Variants in SLC9A7 observed in about 807,000 individuals in gnomAD.
SLC9A7 encodes the protein solute carrier family 9 member A7, also known as sodium/hydrogen exchanger 7.
A neutral mutation model predicts 52.6 loss-of-function variants in SLC9A7; 19 were observed. That is an observed-to-expected ratio of 0.36 (90% confidence interval 0.25 to 0.53). SLC9A7 has a LOEUF of 0.53. SLC9A7 is among the 20% of genes least tolerant of loss of function. The probability of loss-of-function intolerance (pLI) is 0.91; values close to 1 mark genes in which losing one functional copy is unlikely to be tolerated. For synonymous variants in SLC9A7, 226 were observed against 252.1 expected (o/e 0.90, Z 0.98); for missense variants, 455 against 597.9 (o/e 0.76, Z 2.49).
chrX:46,710,242 A>G (rs1450285985), intron 1 of SLC9A7, among the ~76,000 whole-genome samples: 1 of 112,206 alleles, frequency 8.9e-6, no homozygotes, highest in Admixed American at 9.4e-5. Context: ...CCCCTTAGGC[A>G]CTTCCACATT....
At chrX:46,690,259 C>G (rs1944363152) in intron 1 of SLC9A7, among the ~76,000 whole-genome samples, 1 of 112,317 alleles carries the variant, frequency 8.9e-6, no homozygotes, top group Non-Finnish European at 1.9e-5. Flanking sequence ...GCCAATATCT[C>G]TCATTTTAGC....
chrX:46,606,846 A>C lies in SLC9A7; in HGVS notation c.*106T>G. ...GCTTCAGACCCCAATAAAATAGAAGAGTTAGTTCAATCTAGTCACTGCCCC... is the reference window on the plus strand; with the variant it reads ...GCTTCAGACCCCAATAAAATAGAAGCGTTAGTTCAATCTAGTCACTGCCCC... On this transcript the variant is annotated 3_prime_UTR_variant, in exon 17 of 17. Transcript: ENST00000616978. 1 of 1,168,789 alleles carries C rather than the reference A, an allele frequency of 8.6e-7. No individual in the cohort carries two copies. Among genetic ancestry groups the C allele is most frequent in the African/African-American group, 1.8e-5 (1 of 56,617 alleles).
At chrX:46,717,173 T>C (rs751312170) in intron 1 of SLC9A7, among the ~76,000 whole-genome samples, 1 of 112,623 alleles carries the variant, frequency 8.9e-6, no homozygotes, top group East Asian at 2.8e-4. Context: ...CTCTGAGTTC[T>C]ATAAGATGGA....
intron 1 of SLC9A7, among the ~76,000 whole-genome samples, chrX:46,709,310 A>G (rs1602256121): frequency 9.0e-6 from 1 of 110,817 alleles, no homozygotes; most frequent in Admixed American, 9.6e-5. Context: ...AGGAGGCTGA[A>G]GTGGGAGGAT....
chrX:46,689,378 T>C lies in SLC9A7; in HGVS notation c.326-6843A>G, dbSNP rs12850636. ...CATTTTACTGCTAAGTTGTATTCCA[T>C]TGTATAAACACTCACCTACTGAGGG... On this transcript the variant is annotated intron_variant, in intron 1 of 16. Coordinates refer to ENST00000616978, the MANE Select transcript of SLC9A7 (RefSeq NM_001257291.2). Among the ~76,000 whole-genome samples, 10 of 112,181 alleles carry C rather than the reference T, an allele frequency of 8.9e-5. No individual in the cohort carries two copies. In the East Asian group the frequency reaches 2.5e-3, roughly 28 times the overall value.
At chrX:46,607,535 C>T (rs538773517) in intron 16 of SLC9A7, among the ~76,000 whole-genome samples, 2 of 111,637 alleles carry the variant, frequency 1.8e-5, no homozygotes, top group Non-Finnish European at 3.8e-5. Context: ...ATTGGGCAAA[C>T]GTTGCAAATA....
chrX:46,688,979 TA>T (rs1944340885), intron 1 of SLC9A7, among the ~76,000 whole-genome samples: 1 of 110,157 alleles, frequency 9.1e-6, no homozygotes, highest in East Asian at 2.8e-4. Flanking sequence ...GATGTTGTCT[TA>T]AAATTTTTTT....
intron 3 of SLC9A7, among the ~76,000 whole-genome samples, chrX:46,673,961 T>A (rs1944068557): frequency 8.9e-6 from 1 of 112,291 alleles, no homozygotes; most frequent in Non-Finnish European, 1.9e-5. Context: ...GCCTTTTTGT[T>A]TTTAATCGAA....
chrX:46,753,968 AGAGT>A (rs1191583345), intron 1 of SLC9A7, among the ~76,000 whole-genome samples: 1 of 101,207 alleles, frequency 9.9e-6, no homozygotes, highest in Non-Finnish European at 2.0e-5. Context: ...CCTGGGCGAC[AGAGT>A]GAGACTCTGT....
chrX:46,731,670 A>G (rs772101724), intron 1 of SLC9A7, among the ~76,000 whole-genome samples: 1 of 110,761 alleles, frequency 9.0e-6, no homozygotes, highest in Non-Finnish European at 1.9e-5. Flanking sequence ...AGTTATAACA[A>G]CAAACTTCTA....
chrX:46,629,048 C>T (rs1487138062), intron 14 of SLC9A7, among the ~76,000 whole-genome samples: 4 of 112,503 alleles, frequency 3.6e-5, no homozygotes, highest in African/African-American at 1.3e-4. Context: ...TGACAGCAAT[C>T]TTGAAAACCT....
At chrX:46,711,461 G>A (rs1285261460) in intron 1 of SLC9A7, among the ~76,000 whole-genome samples, 2 of 111,556 alleles carry the variant, frequency 1.8e-5, no homozygotes, top group East Asian at 5.6e-4. Context: ...TGTAAAGAGA[G>A]GAAGTAGGCT....
chrX:46,695,377 C>T (rs1216431203), intron 1 of SLC9A7, among the ~76,000 whole-genome samples: 3 of 112,254 alleles, frequency 2.7e-5, no homozygotes, highest in Non-Finnish European at 3.8e-5. Flanking sequence ...AAGGGCTACA[C>T]GCATGAATAC....
At position 46,601,691 on chromosome X, in the gene SLC9A7, T is replaced by C. The variant is rs755526962; in HGVS notation, c.*5261A>G. 2 of 112,750 alleles carry C rather than the reference T, an allele frequency of 1.8e-5. No homozygotes were observed. The highest frequency in any genetic ancestry group is 6.4e-5 in the African/African-American group (2 of 31,140). The allele number at this position is 112,750 out of a possible 1,213,427, so 9.3% of individuals were successfully genotyped here. On this transcript the variant is annotated 3_prime_UTR_variant, in exon 17 of 17. Coordinates refer to ENST00000616978, the MANE Select transcript of SLC9A7 (RefSeq NM_001257291.2). The stretch of plus-strand genomic sequence containing the variant: ...ACCACCCTGGATGCTCGGATCCATA[T>C]GCCCTTCCTGTGATTGTGTCCTAGG...
intron 1 of SLC9A7, among the ~76,000 whole-genome samples, chrX:46,727,848 T>C (rs1434361007): frequency 1.8e-5 from 2 of 112,334 alleles, no homozygotes. Flanking sequence ...ACTGAACGTC[T>C]CCTGCAATAT....
At chrX:46,656,931 A>G (rs1477242602) in intron 7 of SLC9A7, among the ~76,000 whole-genome samples, 3 of 104,638 alleles carry the variant, frequency 2.9e-5, no homozygotes, top group Non-Finnish European at 5.9e-5. Context: ...CAGATTCACC[A>G]AAGTTGAAAT....
chrX:46,734,034 C>T (rs1945083933), intron 1 of SLC9A7, among the ~76,000 whole-genome samples: 1 of 112,139 alleles, frequency 8.9e-6, no homozygotes, highest in African/African-American at 3.2e-5. Context: ...TCAACCTTAG[C>T]ACCACTGAAA....
intron 1 of SLC9A7, among the ~76,000 whole-genome samples, chrX:46,727,880 G>A (rs1220833503): frequency 8.9e-6 from 1 of 111,768 alleles, no homozygotes; most frequent in East Asian, 2.8e-4. Flanking sequence ...TCCCTTAACT[G>A]TTAGTGACCA....
chrX:46,746,962 A>G (rs1361599711), intron 1 of SLC9A7, among the ~76,000 whole-genome samples: 1 of 112,620 alleles, frequency 8.9e-6, no homozygotes, highest in Non-Finnish European at 1.9e-5. Context: ...ATTCAGCCAT[A>G]AAAAAGAATG....
Sources: allele counts gnomAD v4.1 joint callset (sites outside exome capture counted in the v4.1 genomes callset), GRCh38; gene constraint gnomAD v4.1.1; transcripts MANE v1.5; gene names NCBI Gene and HGNC (gene_info 2026-07-23, HGNC 2026-07-21).